UNC13C: variants seen among roughly 807,000 people sequenced by gnomAD.
UNC13C encodes the protein unc-13 homolog C.
UNC13C carries 174 observed loss-of-function variants against 245.4 expected under a neutral mutation model. That is an observed-to-expected ratio of 0.71 (90% confidence interval 0.63 to 0.80). UNC13C has a LOEUF of 0.80. UNC13C is among the 30% of genes least tolerant of loss of function. The pLI, the probability that UNC13C is intolerant of heterozygous loss-of-function variation, is 0.00. For missense variants in UNC13C, 2,829 were observed against 2,602.9 expected, an observed-to-expected ratio of 1.09 and a Z score of -1.89; for synonymous variants, 992 against 895.1, an observed-to-expected ratio of 1.11 and a Z score of -1.93.
At chr15:54,017,650 C>T (rs1177564268) in intron 2 of UNC13C, among the ~76,000 whole-genome samples, 1 of 152,174 alleles carries the variant, frequency 6.6e-6, no homozygotes, top group Non-Finnish European at 1.5e-5. Context: ...TCTTCAACTT[C>T]TAAAAATTCC....
intron 29 of UNC13C, among the ~76,000 whole-genome samples, chr15:54,561,398 G>C (rs1897293939): frequency 6.6e-6 from 1 of 152,042 alleles, no homozygotes; most frequent in South Asian, 2.1e-4. Flanking sequence ...TGATCAACCA[G>C]TATGGACTCG....
At chr15:54,418,764 A>G (rs539811314) in intron 19 of UNC13C, among the ~76,000 whole-genome samples, 2 of 152,268 alleles carry the variant, frequency 1.3e-5, no homozygotes, top group Admixed American at 1.3e-4. Flanking sequence ...AAATGAAGCT[A>G]ATTAGCATCC....
chr15:54,359,919 A>G (rs1359946778), intron 17 of UNC13C, among the ~76,000 whole-genome samples: 1 of 151,792 alleles, frequency 6.6e-6, no homozygotes, highest in Non-Finnish European at 1.5e-5. Flanking sequence ...CTAGTTTCCT[A>G]AGGTATACCT....
chr15:54,059,106 T>C (rs1257029934), intron 2 of UNC13C, among the ~76,000 whole-genome samples: 4 of 152,170 alleles, frequency 2.6e-5, no homozygotes, highest in Admixed American at 6.5e-5. Context: ...TTGGAAGTTC[T>C]GGCCAGGGCA....
At chr15:54,335,449 A>G (rs1190353115) in intron 16 of UNC13C, among the ~76,000 whole-genome samples, 1 of 152,096 alleles carries the variant, frequency 6.6e-6, no homozygotes, top group Non-Finnish European at 1.5e-5. Context: ...TTTGTTGTAC[A>G]GTCCTATTAG....
At chr15:54,216,171 A>G (rs1277002273) in intron 4 of UNC13C, among the ~76,000 whole-genome samples, 3 of 151,986 alleles carry the variant, frequency 2.0e-5, no homozygotes, top group South Asian at 2.1e-4. Flanking sequence ...AAAGGACAGG[A>G]CTGCAGCGAA....
At chr15:54,198,218 A>C (rs1279713963) in intron 4 of UNC13C, among the ~76,000 whole-genome samples, 1 of 151,922 alleles carries the variant, frequency 6.6e-6, no homozygotes, top group Non-Finnish European at 1.5e-5. Flanking sequence ...CCCTACCTCC[A>C]CCTGGTAGTC....
At chr15:54,011,462 C>T (rs939754141) in intron 1 of UNC13C, among the ~76,000 whole-genome samples, 7 of 152,184 alleles carry the variant, frequency 4.6e-5, no homozygotes, top group South Asian at 2.1e-4. Flanking sequence ...AAATTTTATT[C>T]GACTAAAATT....
At chr15:54,486,578 T>C (rs1420701096) in intron 19 of UNC13C, among the ~76,000 whole-genome samples, 11 of 152,228 alleles carry the variant, frequency 7.2e-5, no homozygotes, top group Non-Finnish European at 4.4e-5. Context: ...CTCACAGATA[T>C]ACTTTGTACT....
intron 2 of UNC13C, among the ~76,000 whole-genome samples, chr15:54,037,927 A>G (rs1239363601): frequency 6.6e-6 from 1 of 150,684 alleles, no homozygotes; most frequent in East Asian, 1.9e-4. Context: ...TGAGAAGTGT[A>G]AAAGCAATGG....
At chr15:54,088,102 AT>A (rs1899345295) in intron 2 of UNC13C, among the ~76,000 whole-genome samples, 1 of 151,548 alleles carries the variant, frequency 6.6e-6, no homozygotes, top group African/African-American at 2.4e-5. Flanking sequence ...TAAAATTCCT[AT>A]TAAAATTGCC....
At chr15:53,928,795 C>T in the UNC13C span, among the ~76,000 whole-genome samples, 3 of 152,130 alleles carry the variant, frequency 2.0e-5, no homozygotes, top group East Asian at 5.8e-4. Flanking sequence ...AGCATTTCAC[C>T]CACTGTATAA....
chr15:53,938,272 CAAAG>C, the UNC13C span, among the ~76,000 whole-genome samples: 1 of 151,988 alleles, frequency 6.6e-6, no homozygotes, highest in African/African-American at 2.4e-5. Flanking sequence ...TAAAAAAAGA[CAAAG>C]AAGGGCATTA....
At chr15:54,296,224 G>A (rs918880923) in intron 11 of UNC13C, among the ~76,000 whole-genome samples, 4 of 151,550 alleles carry the variant, frequency 2.6e-5, no homozygotes, top group African/African-American at 4.9e-5. Flanking sequence ...TTTTTGAGAC[G>A]GAGTCTCGCT....
At chr15:54,081,547 T>C (rs1293143988) in intron 2 of UNC13C, among the ~76,000 whole-genome samples, 2 of 152,082 alleles carry the variant, frequency 1.3e-5, no homozygotes, top group Non-Finnish European at 2.9e-5. Context: ...TAATACTCTT[T>C]TATTTATTTT....
downstream of UNC13C, chr15:54,630,508 A>C (rs1429581698): frequency 6.6e-6 from 1 of 152,318 alleles, no homozygotes; most frequent in Admixed American, 6.5e-5. Flanking sequence ...CTTTATGCTC[A>C]AATAATAAAT....
chr15:54,209,696 G>A (rs1327810202), intron 4 of UNC13C, among the ~76,000 whole-genome samples: 2 of 152,216 alleles, frequency 1.3e-5, no homozygotes, highest in South Asian at 2.1e-4. Flanking sequence ...TTACAGGTGT[G>A]AGCCACCACA....
chr15:54,394,705 C>T (rs2040034968), intron 18 of UNC13C, among the ~76,000 whole-genome samples: 3 of 151,910 alleles, frequency 2.0e-5, no homozygotes, highest in South Asian at 4.1e-4. Flanking sequence ...TATGAAGAAA[C>T]TTTGGCTTTA....
At chr15:54,038,140 T>TTTTC (rs1555406257) in intron 2 of UNC13C, among the ~76,000 whole-genome samples, 3 of 127,584 alleles carry the variant, frequency 2.4e-5, no homozygotes, top group African/African-American at 9.6e-5. Context: ...TTTTTTTTTT[T>TTTTC]CCTGAGACAG....
Sources: gnomAD v4.1 joint callset for allele counts (sites outside exome capture counted in the v4.1 genomes callset) on GRCh38, gnomAD v4.1.1 for gene constraint, MANE v1.5 for transcripts, NCBI Gene and HGNC (gene_info 2026-07-23, HGNC 2026-07-21) for gene names.